ODR4: variants seen among roughly 807,000 people sequenced by gnomAD.
ODR4 encodes odr-4 GPCR localization factor homolog.
Under a neutral mutation model 60.2 loss-of-function variants are expected in ODR4, and 47 were observed. That is an observed-to-expected ratio of 0.78 (90% CI 0.62 to 1.00). ODR4 has a LOEUF of 1.00. Among genes scored for constraint, ODR4 ranks in the 50% least tolerant of loss-of-function variants. ODR4 has a pLI of 0.00. For synonymous variants in ODR4, 178 were observed against 175.5 expected (o/e 1.01, Z -0.11); for missense variants, 488 against 530.8 (o/e 0.92, Z 0.79).
downstream of ODR4, among the ~76,000 whole-genome samples, chr1:186,423,272 A>C (rs1661826802): frequency 6.6e-6 from 1 of 152,066 alleles, no homozygotes; most frequent in African/African-American, 2.4e-5. Flanking sequence ...TACTGATATT[A>C]AATCAGAGAC....
intron 3 of ODR4, among the ~76,000 whole-genome samples, chr1:186,384,171 T>C (rs143413816): frequency 3.9e-5 from 6 of 152,320 alleles, no homozygotes; most frequent in Non-Finnish European, 8.8e-5. Flanking sequence ...TTCTGCTGGC[T>C]GCAAGATTGA....
intron 12 of ODR4, among the ~76,000 whole-genome samples, chr1:186,407,407 G>A (rs1189329803): frequency 2.0e-5 from 3 of 152,042 alleles, no homozygotes; most frequent in Non-Finnish European, 2.9e-5. Flanking sequence ...CGAAACTTAG[G>A]ATCATGAGGA....
intron 8 of ODR4, among the ~76,000 whole-genome samples, chr1:186,393,293 T>C (rs965629643): frequency 6.6e-6 from 1 of 151,880 alleles, no homozygotes; most frequent in African/African-American, 2.4e-5. Flanking sequence ...AAAAAATAAG[T>C]CCAGGAAAAA....
Position 186,386,061 on chromosome 1 carries a change from A to T in ODR4, c.308A>T (p.Asp103Val). The change falls in exon 4 of 14, where the codon GAT becomes GTT. Residue 103 changes from aspartate to valine, a missense_variant. Asp to Val is a radical substitution (Grantham distance 152). Coordinates refer to ENST00000287859, the MANE Select transcript of ODR4 (RefSeq NM_017847.6). ...ATTACTACTTTAGAACTGGCAAATG[A>T]TTTTCAAAATGCCCTGCGTAGAGTA... ...FIITTLELAN[D>V]FQNALRRLMF... is the part of the protein sequence containing the mutation. The T allele has an allele frequency of 2.5e-6, 4 of 1,597,770 alleles. No individual in the cohort carries two copies. The highest frequency in any genetic ancestry group is 3.4e-6 in the Non-Finnish European group (4 of 1,170,088).
intron 2 of ODR4, among the ~76,000 whole-genome samples, chr1:186,380,394 G>T (rs1022455975): frequency 1.3e-5 from 2 of 152,066 alleles, no homozygotes; most frequent in African/African-American, 2.4e-5. Context: ...AATAGGGAGG[G>T]AGAGGGATTG....
rs765554253 is a variant in ODR4 at position 186,375,879 on chromosome 1, G to A, written c.-115G>A. On this transcript the variant is annotated 5_prime_UTR_variant, in exon 1 of 14. Transcript: ENST00000287859. ...GTGAATTGAGACCGGAGGGAATCTG[G>A]CCCCTAGAGGCTGGTACTTGGGCCC... is the stretch of plus-strand genomic sequence containing the variant. 9.2e-6 allele frequency: 2 copies of A among 216,244 alleles called. No individual in the cohort carries two copies. Among genetic ancestry groups the A allele is most frequent in the African/African-American group, 4.5e-5 (2 of 44,410 alleles). 13.4% of individuals were successfully genotyped at this position (216,244 alleles called of 1,614,324 possible).
the ODR4 span, among the ~76,000 whole-genome samples, chr1:186,432,095 C>G: frequency 6.6e-6 from 1 of 152,090 alleles, no homozygotes; most frequent in Non-Finnish European, 1.5e-5. Context: ...TTGGTAGCTT[C>G]TCATATATGG....
Position 186,420,339 on chromosome 1 carries a change from T to C in ODR4, c.*1263T>C, listed in dbSNP as rs1336364328. 6.6e-6 allele frequency: 1 copy of C among 152,194 alleles called. No individual in the cohort carries two copies. The highest frequency in any genetic ancestry group is 1.9e-4 in the East Asian group (1 of 5,196). The allele number at this position is 152,194 out of a possible 1,614,324, so 9.4% of individuals were successfully genotyped here. ...TAAAGAAGGTTCAGTGGTCCTCAGT[T>C]TGCAGTGCTCTAGCTCCTGGCAGAA... On this transcript the variant is annotated 3_prime_UTR_variant, in exon 14 of 14. Transcript: ENST00000287859.
chr1:186,422,160 A>T (rs10911860), downstream of ODR4, among the ~76,000 whole-genome samples: 17,362 of 152,074 alleles, frequency 0.11, 1,074 homozygotes, highest in Middle Eastern at 0.19. Context: ...AATTTTTTTT[A>T]AATGAAGTAG....
intron 9 of ODR4, 68 bp from the exon 10 acceptor site, chr1:186,398,245 A>G: frequency 1.5e-6 from 2 of 1,358,354 alleles, no homozygotes; most frequent in Non-Finnish European, 1.9e-6. Context: ...TCGCTAATAT[A>G]ATGTTTAAAT....
At chr1:186,394,811 T>C (rs1660608165) in intron 9 of ODR4, among the ~76,000 whole-genome samples, 1 of 152,242 alleles carries the variant, frequency 6.6e-6, no homozygotes, top group Non-Finnish European at 1.5e-5. Flanking sequence ...TTTGGGCCTA[T>C]GCCACTCAAT....
rs1281410749 is a variant in ODR4, at chr1:186,388,464, C to G, written c.353C>G (p.Ser118Cys). The change falls in exon 5 of 14, where the codon TCT becomes TGT. Residue 118 changes from serine (S) to cysteine (C), a missense_variant. Physicochemically the swap from Ser to Cys is moderately radical, Grantham distance 112. Coordinates refer to ENST00000287859, the MANE Select transcript of ODR4 (RefSeq NM_017847.6). Reference sequence around the variant, plus strand: ...CAGCTAATGTTTGCTGTGGAAAAGTCTATAAATAGAAAGAGATTGTGGAAT... The same window carrying G: ...CAGCTAATGTTTGCTGTGGAAAAGTGTATAAATAGAAAGAGATTGTGGAAT... ...LRRLMFAVEK[S>C]INRKRLWNFT... is the part of the protein sequence containing the mutation. The G allele has an allele frequency of 1.3e-6, 2 of 1,559,214 alleles. No homozygotes were observed. The highest frequency in any genetic ancestry group is 2.7e-5 in the African/African-American group (2 of 73,276).
intron 12 of ODR4, among the ~76,000 whole-genome samples, chr1:186,408,671 ATGTAT>A (rs937967204): frequency 1.1e-4 from 16 of 150,282 alleles, no homozygotes; most frequent in Admixed American, 2.0e-4. Context: ...ATATACAAAA[ATGTAT>A]TGTTTTCTTA....
chr1:186,403,303 AT>A (rs1661056792), intron 11 of ODR4, among the ~76,000 whole-genome samples: 1 of 152,058 alleles, frequency 6.6e-6, no homozygotes, highest in South Asian at 2.1e-4. Context: ...TTTATGAGGT[AT>A]ATGAGATGTT....
Position 186,390,840 on chromosome 1 carries a change from A to G in ODR4, c.604A>G (p.Lys202Glu). The stretch of plus-strand genomic sequence containing the variant: ...TACTTCTGTCAGCTATACTCTGGAG[A>G]AAAATACAAAGGTACCAGGGTAAAA... ...SATSVSYTLE[K>E]NTKNGLTRWA... Residue 202 changes from lysine (K) to glutamate (E), a missense_variant, in exon 7 of 14, where the codon AAA becomes GAA. Physicochemically the swap from Lys to Glu is moderately conservative, Grantham distance 56. Coordinates refer to ENST00000287859, the MANE Select transcript of ODR4 (RefSeq NM_017847.6). 6.2e-7 allele frequency: 1 copy of G among 1,612,074 alleles called. No individual in the cohort carries two copies. Among genetic ancestry groups the G allele is most frequent in the Non-Finnish European group, 8.5e-7 (1 of 1,178,816 alleles).
intron 12 of ODR4, among the ~76,000 whole-genome samples, chr1:186,413,772 A>T (rs1228882703): frequency 1.3e-5 from 2 of 152,180 alleles, no homozygotes; most frequent in African/African-American, 4.8e-5. Flanking sequence ...GGAATTAGGG[A>T]TAGGAAGAAC....
rs767004742 is a variant in ODR4 at position 186,417,633 on chromosome 1, T to C, written c.1276T>C (p.Leu426=). ...ACAACCAATTAAAACTACAATGTTATTGAAAATTCAGCAAAACATAGGTAT... is the reference window on the plus strand; with the variant it reads ...ACAACCAATTAAAACTACAATGTTACTGAAAATTCAGCAAAACATAGGTAT... ...PKQPIKTTML[L]KIQQNIGVIA... The change falls in exon 13 of 14, where the codon TTG becomes CTG. Residue 426 remains leucine, a synonymous_variant. Transcript: ENST00000287859. 8.2e-6 allele frequency: 13 copies of C among 1,587,748 alleles called. No homozygotes were observed. The highest frequency in any genetic ancestry group is 1.7e-5 in the Admixed American group (1 of 57,492).
At chr1:186,405,404 C>T (rs1661135324) in intron 11 of ODR4, among the ~76,000 whole-genome samples, 1 of 152,240 alleles carries the variant, frequency 6.6e-6, no homozygotes, top group African/African-American at 2.4e-5. Context: ...ATAAAATGTA[C>T]AGTGCCTATG....
intron 12 of ODR4, among the ~76,000 whole-genome samples, chr1:186,408,232 G>A (rs975112106): frequency 6.6e-6 from 1 of 151,156 alleles, no homozygotes; most frequent in African/African-American, 2.5e-5. Context: ...TTTAAACTTA[G>A]GCAGTTTGGT....
Sources: allele counts gnomAD v4.1 joint callset (sites outside exome capture counted in the v4.1 genomes callset), GRCh38; gene constraint gnomAD v4.1.1; transcripts MANE v1.5; gene names NCBI Gene and HGNC (gene_info 2026-07-23, HGNC 2026-07-21).